Variants in ANKRD12 observed in about 807,000 individuals in gnomAD.
ANKRD12 encodes the protein ankyrin repeat domain-containing protein 12.
In ANKRD12, 85 loss-of-function variants were observed where a neutral mutation model predicts 183.4. The observed-to-expected ratio is 0.46, with a 90% CI of 0.39 to 0.56. The LOEUF (loss-of-function observed/expected upper bound fraction) is 0.56. ANKRD12 is among the 20% of genes least tolerant of loss of function. The pLI, the probability that ANKRD12 is intolerant of heterozygous loss-of-function variation, is 0.00. For missense variants in ANKRD12, 2,405 were observed against 2,357.1 expected (o/e 1.02, Z -0.42); for synonymous variants, 914 against 800.2 (o/e 1.14, Z -2.40).
At chr18:9,211,511 C>A in intron 5 of ANKRD12, 73 bp from the exon 6 acceptor site, 2 of 1,342,954 alleles carry the variant, frequency 1.5e-6, no homozygotes, top group Non-Finnish European at 2.1e-6. Flanking sequence ...TAGCATATTA[C>A]CAATAAAAAC....
In ANKRD12 at chr18:9,222,018, A is replaced by G; in HGVS notation, c.943+19A>G. On this transcript the variant is annotated intron_variant, in intron 8 of 12. Transcript: ENST00000262126. ...TACACAGGTTTGTTTCAGATAATCT[A>G]CATTCATCTGTTCGTTTGACATGAT... 1 of 1,611,830 alleles carries G rather than the reference A, an allele frequency of 6.2e-7. No homozygotes were observed. Among genetic ancestry groups the G allele is most frequent in the South Asian group, 1.1e-5 (1 of 90,788 alleles).
At chr18:9,270,788 T>G (rs1355224469) in intron 10 of ANKRD12, among the ~76,000 whole-genome samples, 1 of 152,148 alleles carries the variant, frequency 6.6e-6, no homozygotes, top group Non-Finnish European at 1.5e-5. Flanking sequence ...AATTCTTACT[T>G]GAATTGTGCA....
chr18:9,277,254 G>A (rs1373449402), intron 11 of ANKRD12, among the ~76,000 whole-genome samples: 3 of 151,688 alleles, frequency 2.0e-5, no homozygotes, highest in Non-Finnish European at 2.9e-5. Flanking sequence ...CAAGGAGTTC[G>A]AGCCTGCAGT....
chr18:9,166,452 T>G (rs1406072486), intron 1 of ANKRD12, among the ~76,000 whole-genome samples: 1 of 152,208 alleles, frequency 6.6e-6, no homozygotes, highest in Non-Finnish European at 1.5e-5. Context: ...GGTTTTGATT[T>G]GCATTTCTCT....
At chr18:9,172,881 CT>C (rs376638275) in intron 1 of ANKRD12, among the ~76,000 whole-genome samples, 22 of 147,884 alleles carry the variant, frequency 1.5e-4, no homozygotes, top group African/African-American at 2.7e-4. Context: ...GGTTGCTGAT[CT>C]TTTTTTTTTG....
At chr18:9,226,532 A>C (rs2036724121) in intron 8 of ANKRD12, among the ~76,000 whole-genome samples, 1 of 152,198 alleles carries the variant, frequency 6.6e-6, no homozygotes, top group African/African-American at 2.4e-5. Flanking sequence ...CATGATAAAC[A>C]TGATTAGACA....
At chr18:9,229,966 GTGATGC>G (rs1015943684) in intron 8 of ANKRD12, among the ~76,000 whole-genome samples, 18 of 152,146 alleles carry the variant, frequency 1.2e-4, no homozygotes, top group Non-Finnish European at 2.5e-4. Context: ...TGGAATCAGG[GTGATGC>G]TGGCTTTGTA....
chr18:9,213,889 A>G (rs2035944566), intron 6 of ANKRD12, among the ~76,000 whole-genome samples: 1 of 151,966 alleles, frequency 6.6e-6, no homozygotes, highest in Non-Finnish European at 1.5e-5. Flanking sequence ...GACTCTAATC[A>G]AGCTTACTAA....
rs893038963 is a variant in ANKRD12, at chr18:9,285,310, A to AG, written c.*4185dup. On this transcript the variant is annotated 3_prime_UTR_variant, in exon 13 of 13. Transcript: ENST00000262126. ...GCCAAGCGTGACGGTGCCTGCCTGT[A>AG]GTCCTAGCTACTTGGGAGGTTGAGA... is the stretch of plus-strand genomic sequence containing the variant. 4 of 151,228 alleles carry AG rather than the reference A, an allele frequency of 2.6e-5. No homozygotes were observed. The highest frequency in any genetic ancestry group is 5.9e-5 in the Non-Finnish European group (4 of 67,830). The allele number at this position is 151,228 out of a possible 1,614,324, so 9.4% of individuals were successfully genotyped here. A position where few individuals can be genotyped will look rare whatever the true frequency, so the allele number is the denominator to read the frequency against.
chr18:9,237,930 CATTT>C (rs935806605), intron 8 of ANKRD12, among the ~76,000 whole-genome samples: 2 of 152,130 alleles, frequency 1.3e-5, no homozygotes, highest in Non-Finnish European at 2.9e-5. Context: ...TTTATTTAAT[CATTT>C]ATGCCCTTCC....
At chr18:9,235,707 A>G (rs1360861118) in intron 8 of ANKRD12, 1 of 456,080 alleles carries the variant, frequency 2.2e-6, no homozygotes. Flanking sequence ...AGTGTATGCA[A>G]TCAGCAAATT....
chr18:9,192,751 G>T (rs913083341), intron 2 of ANKRD12, among the ~76,000 whole-genome samples: 5 of 151,052 alleles, frequency 3.3e-5, no homozygotes, highest in African/African-American at 1.2e-4. Context: ...CTGTCACCCA[G>T]CCTGGAATGC....
intron 1 of ANKRD12, among the ~76,000 whole-genome samples, chr18:9,148,143 C>T (rs2078555168): frequency 6.6e-6 from 1 of 152,168 alleles, no homozygotes; most frequent in Non-Finnish European, 1.5e-5. Context: ...CAGCCCTCTA[C>T]TGGTTTATGG....
chr18:9,269,800 C>G (rs1416764134), intron 10 of ANKRD12, among the ~76,000 whole-genome samples: 1 of 152,118 alleles, frequency 6.6e-6, no homozygotes, highest in South Asian at 2.1e-4. Context: ...AGCTTCTGCA[C>G]AGCAAAAGAA....
At chr18:9,273,766 C>T (rs1183583595) in intron 10 of ANKRD12, among the ~76,000 whole-genome samples, 2 of 152,196 alleles carry the variant, frequency 1.3e-5, no homozygotes, top group African/African-American at 2.4e-5. Flanking sequence ...ATCTTAAGGT[C>T]TCCAGCTGGG....
chr18:9,279,705 C>T (rs977032352), intron 12 of ANKRD12, 61 bp downstream of exon 12: 3 of 824,110 alleles, frequency 3.6e-6, no homozygotes, highest in Non-Finnish European at 5.7e-6. Context: ...AAAAAAAAAA[C>T]TCTACAGCTG....
intron 1 of ANKRD12, among the ~76,000 whole-genome samples, chr18:9,166,777 C>T (rs1354072826): frequency 1.3e-5 from 2 of 152,164 alleles, no homozygotes; most frequent in Non-Finnish European, 2.9e-5. Context: ...GTGTTTTAGT[C>T]ATGAAGTCCT....
At chr18:9,174,014 C>G (rs1477346213) in intron 1 of ANKRD12, among the ~76,000 whole-genome samples, 1 of 152,190 alleles carries the variant, frequency 6.6e-6, no homozygotes, top group African/African-American at 2.4e-5. Context: ...TGCTGAAATT[C>G]CCTCAGGGAG....
At chr18:9,230,768 C>T (rs1598628184) in intron 8 of ANKRD12, among the ~76,000 whole-genome samples, 1 of 151,872 alleles carries the variant, frequency 6.6e-6, no homozygotes, top group Admixed American at 6.6e-5. Context: ...AAGAGATTCT[C>T]CTGCCTCAGC....
Sources: allele counts gnomAD v4.1 joint callset (sites outside exome capture counted in the v4.1 genomes callset), GRCh38; gene constraint gnomAD v4.1.1; transcripts MANE v1.5; gene names NCBI Gene and HGNC (gene_info 2026-07-23, HGNC 2026-07-21).